The following MFHAS1 variants were observed in gnomAD, a reference collection of about 807,000 sequenced individuals.
The protein encoded by MFHAS1 is multifunctional ROCO family signaling regulator 1, also known as malignant fibrous histiocytoma-amplified sequence 1.
Under a neutral mutation model 70.4 loss-of-function variants are expected in MFHAS1, and 50 were observed. The ratio of observed to expected loss-of-function variants is 0.71; its 90% CI spans 0.57 to 0.90. The LOEUF (loss-of-function observed/expected upper bound fraction) is 0.90. MFHAS1 is among the 40% of genes least tolerant of loss of function. The pLI is 0.00. For synonymous variants in MFHAS1, 952 were observed against 620.0 expected (o/e 1.54, Z -7.96); for missense variants, 1,795 against 1,347.6 (o/e 1.33, Z -5.20).
intron 1 of MFHAS1, among the ~76,000 whole-genome samples, chr8:8,819,643 G>C (rs1233124091): frequency 6.6e-6 from 1 of 151,198 alleles, no homozygotes; most frequent in East Asian, 1.9e-4. Flanking sequence ...CCAAGAATCT[G>C]GCCAAAGTGG....
At chr8:8,877,322 T>C (rs1809337079) in intron 1 of MFHAS1, among the ~76,000 whole-genome samples, 1 of 48,726 alleles carries the variant, frequency 2.1e-5, no homozygotes, top group African/African-American at 4.6e-5. Context: ...AAAAAAAAAC[T>C]ACGGTGTTCC....
chr8:8,884,815 T>C (rs1809688754), intron 1 of MFHAS1, among the ~76,000 whole-genome samples: 2 of 152,020 alleles, frequency 1.3e-5, no homozygotes, highest in African/African-American at 2.4e-5. Context: ...CCAGGCATGG[T>C]AGGGTGTTTC....
intron 2 of MFHAS1, among the ~76,000 whole-genome samples, chr8:8,791,025 T>C (rs1481932105): frequency 6.6e-6 from 1 of 152,136 alleles, no homozygotes; most frequent in Non-Finnish European, 1.5e-5. Context: ...TAAAAGGGTA[T>C]TTCGAAATGC....
chr8:8,866,918 TG>T (rs1563211459), intron 1 of MFHAS1, among the ~76,000 whole-genome samples: 1 of 152,154 alleles, frequency 6.6e-6, no homozygotes, highest in African/African-American at 2.4e-5. Flanking sequence ...CTTTAGAGAA[TG>T]GGGAAATACA....
At chr8:8,820,282 T>TC (rs1401862223) in intron 1 of MFHAS1, among the ~76,000 whole-genome samples, 2 of 151,606 alleles carry the variant, frequency 1.3e-5, no homozygotes, top group African/African-American at 2.4e-5. Flanking sequence ...ACTGCTGTGC[T>TC]CCCCCTTCTC....
intron 2 of MFHAS1, among the ~76,000 whole-genome samples, chr8:8,795,551 CT>C (rs1805862730): frequency 6.6e-6 from 1 of 152,182 alleles, no homozygotes; most frequent in South Asian, 2.1e-4. Context: ...AACAGTTTCC[CT>C]TGGGTGTTCG....
At chr8:8,843,441 T>C (rs979887857) in intron 1 of MFHAS1, among the ~76,000 whole-genome samples, 2 of 152,012 alleles carry the variant, frequency 1.3e-5, no homozygotes, top group African/African-American at 2.4e-5. Context: ...GAAACTCAGA[T>C]ACGGTGTTGT....
Position 8,891,351 on chromosome 8 carries a change from T to G in MFHAS1, c.1708A>C (p.Ser570Arg), listed in dbSNP as rs1418706041. The change falls in exon 1 of 3, where the codon AGC becomes CGC. Residue 570 changes from serine (S) to arginine (R), a missense_variant. Physicochemically the swap from Ser to Arg is moderately radical, Grantham distance 110. Transcript: ENST00000276282. This position sits in a 1 kb window ranked among gnomAD's most constrained non-coding sequence, Gnocchi z 5.4. ...TCGTCCACCACCTTGGCCAAGCGGC[T>G]CAGTCCCTCCGCGTCGTGCTTCTCC... is the stretch of plus-strand genomic sequence containing the variant. ...LQEKHDAEGL[S>R]RLAKVVDEAL... 27 of 1,611,102 alleles carry G rather than the reference T, an allele frequency of 1.7e-5. No individual in the cohort carries two copies. The Admixed American group carries it at 4.5e-4, about 27-fold the overall frequency.
intron 1 of MFHAS1, among the ~76,000 whole-genome samples, chr8:8,865,574 T>C (rs762519744): frequency 3.9e-5 from 6 of 152,190 alleles, no homozygotes; most frequent in East Asian, 3.8e-4. Flanking sequence ...CAGATGACAC[T>C]TGACATGAAT....
At chr8:8,845,884 C>T (rs545453297) in intron 1 of MFHAS1, among the ~76,000 whole-genome samples, 1 of 152,192 alleles carries the variant, frequency 6.6e-6, no homozygotes, top group African/African-American at 2.4e-5. Flanking sequence ...GGCCAAAAAC[C>T]TTTGTCTTTA....
intron 2 of MFHAS1, among the ~76,000 whole-genome samples, chr8:8,789,687 G>A (rs754752545): frequency 1.3e-5 from 2 of 152,060 alleles, no homozygotes; most frequent in African/African-American, 2.4e-5. Context: ...CCCCTCCTAG[G>A]ATTAGCCAAT....
intron 1 of MFHAS1, among the ~76,000 whole-genome samples, chr8:8,808,269 T>C (rs111572395): frequency 1.5e-5 from 2 of 135,164 alleles, no homozygotes; most frequent in Non-Finnish European, 3.2e-5. Flanking sequence ...GACGCTCCCC[T>C]GGGAACCCTC....
intron 1 of MFHAS1, among the ~76,000 whole-genome samples, chr8:8,822,950 C>A (rs1372116815): frequency 6.6e-6 from 1 of 152,136 alleles, no homozygotes; most frequent in African/African-American, 2.4e-5. Context: ...TACCGACAGG[C>A]TGGTGGCGGG....
intron 1 of MFHAS1, among the ~76,000 whole-genome samples, chr8:8,817,235 T>C (rs1308089466): frequency 1.3e-5 from 2 of 151,708 alleles, no homozygotes; most frequent in Admixed American, 1.3e-4. Context: ...CTGTCAGCTA[T>C]GAGAAAATTT....
In MFHAS1 at chr8:8,875,158, C is replaced by T. The variant is rs190319082; in HGVS notation, c.2998+14903G>A. The stretch of plus-strand genomic sequence containing the variant: ...CCATCCTCATGGGAAGCAACGTAAA[C>T]GTGCATTGAGATTTAATGACATTTT... On this transcript the variant is annotated intron_variant, in intron 1 of 2. Coordinates refer to ENST00000276282, the MANE Select transcript of MFHAS1 (RefSeq NM_004225.3). 4.6e-5 allele frequency among the ~76,000 whole-genome samples: 7 copies of T among 152,274 alleles called. No homozygotes were observed. In the East Asian group the frequency reaches 5.8e-4, roughly 13 times the overall value.
chr8:8,884,047 C>CAT (rs1198199480), intron 1 of MFHAS1, among the ~76,000 whole-genome samples: 1 of 90,162 alleles, frequency 1.1e-5, no homozygotes, highest in Non-Finnish European at 2.2e-5. Context: ...CACAAACACA[C>CAT]ACACACACAC....
In MFHAS1 at chr8:8,846,712, T is replaced by C. The variant is rs561427263; in HGVS notation, c.2998+43349A>G. ...CTGCACTTGTTCTCCCTGCCTCAAA[T>C]GCTCTTCCCTCACATAATAAGATTG... On this transcript the variant is annotated intron_variant, in intron 1 of 2. Transcript: ENST00000276282. 3.2e-4 allele frequency among the ~76,000 whole-genome samples: 49 copies of C among 152,218 alleles called. 1 individual carries two copies. In the South Asian group the frequency reaches 9.7e-3, roughly 30 times the overall value.
intron 1 of MFHAS1, among the ~76,000 whole-genome samples, chr8:8,861,131 A>G (rs1199304856): frequency 6.6e-6 from 1 of 152,240 alleles, no homozygotes; most frequent in Non-Finnish European, 1.5e-5. Context: ...GAATGCCTGA[A>G]AAGTGGTAGA....
intron 1 of MFHAS1, among the ~76,000 whole-genome samples, chr8:8,846,310 G>GGAAGGAGGA (rs1437776452): frequency 8.8e-6 from 1 of 113,942 alleles, no homozygotes; most frequent in Non-Finnish European, 1.8e-5. Flanking sequence ...AAGGAGGAGG[G>GGAAGGAGGA]GAAGGAGGAG....
Sources: allele counts gnomAD v4.1 joint callset (sites outside exome capture counted in the v4.1 genomes callset), GRCh38; gene constraint gnomAD v4.1.1; non-coding constraint Gnocchi (gnomAD v3.1); transcripts MANE v1.5; gene names NCBI Gene and HGNC (gene_info 2026-07-23, HGNC 2026-07-21).